Variants in GLIS3 observed in about 807,000 individuals in gnomAD.
GLIS3 encodes GLIS family zinc finger 3, also known as zinc finger protein GLIS3.
A neutral mutation model predicts 78.6 loss-of-function variants in GLIS3; 53 were observed. The ratio of observed to expected loss-of-function variants is 0.67; its 90% CI spans 0.54 to 0.85. The LOEUF (loss-of-function observed/expected upper bound fraction) is 0.85, where lower values mean the gene tolerates loss of function less well. Ranked by LOEUF, GLIS3 falls within the 40% of genes least tolerant of loss-of-function variation. The pLI, the probability that GLIS3 is intolerant of heterozygous loss-of-function variation, is 0.00. For missense variants in GLIS3, 1,703 were observed against 1,231.1 expected (o/e 1.38, Z -5.74); for synonymous variants, 684 against 509.9 (o/e 1.34, Z -4.60).
Position 4,051,670 on chromosome 9 carries a change from C to T in GLIS3, c.1710+66098G>A, listed in dbSNP as rs572911987. ...TTGTTTGTTTGTTTTTAAAAAAGAA[C>T]ATAGCAATAATTTTTACCAGAAGTT... On this transcript the variant is annotated intron_variant, in intron 4 of 10. Coordinates refer to ENST00000381971, the MANE Select transcript of GLIS3 (RefSeq NM_001042413.2). Among the ~76,000 whole-genome samples the T allele has an allele frequency of 2.1e-3, 324 of 152,246 alleles. 1 individual carries two copies. The highest frequency in any genetic ancestry group is 7.6e-3 in the African/African-American group (315 of 41,570).
chr9:4,156,239 A>T (rs1419759443), intron 2 of GLIS3, among the ~76,000 whole-genome samples: 1 of 152,120 alleles, frequency 6.6e-6, no homozygotes, highest in Non-Finnish European at 1.5e-5. Context: ...AAATAAGGTT[A>T]TTCCCTCCCT....
chr9:3,976,148 T>A (rs1174120508), intron 4 of GLIS3, among the ~76,000 whole-genome samples: 1 of 152,146 alleles, frequency 6.6e-6, no homozygotes, highest in Admixed American at 6.6e-5. Context: ...ACAAATGCAA[T>A]CCTGCCCCCA....
Position 4,286,404 on chromosome 9 carries a change from T to C in GLIS3, c.22A>G (p.Met8Val), listed in dbSNP as rs770334603. ...GTTCCCGATGTCCGGTGGAGACTCA[T>C]GCTGCATGATCTTCCATTCATTCTG... MNGRSCSMSLHRTSGTPQ... is the reference protein window; with the variant it reads MNGRSCSVSLHRTSGTPQ... The change falls in exon 2 of 11, where the codon ATG (methionine) becomes GTG (valine). Residue 8 changes from methionine to valine, a missense_variant. Physicochemically the swap from Met to Val is conservative, Grantham distance 21. Transcript: ENST00000381971. The C allele has an allele frequency of 6.8e-6, 11 of 1,614,032 alleles. No homozygotes were observed. Among genetic ancestry groups the C allele is most frequent in the Non-Finnish European group, 9.3e-6 (11 of 1,180,058 alleles).
rs752335934 is a variant in GLIS3 at position 4,118,354 on chromosome 9, G to A, written c.1124C>T (p.Ala375Val). 3.8e-6 allele frequency: 6 copies of A among 1,584,330 alleles called. No homozygotes were observed. The highest frequency in any genetic ancestry group is 3.4e-5 in the South Asian group (3 of 88,988). Residue 375 changes from alanine to valine, a missense_variant, in exon 4 of 11, where the codon GCC becomes GTC. Physicochemically the swap from Ala to Val is moderately conservative, Grantham distance 64. Transcript: ENST00000381971. The surrounding 1 kb of genome is among the most constrained non-coding windows in gnomAD (Gnocchi z 4.7). Reference sequence around the variant, plus strand: ...GGCCGGCAGCGCCAGGCCTCCAGGGGCCACCAGCACGCCCTTCTGGCTGCC... The same window carrying A: ...GGCCGGCAGCGCCAGGCCTCCAGGGACCACCAGCACGCCCTTCTGGCTGCC... ...VPGSQKGVLV[A>V]PGGLALPAYG...
intron 2 of GLIS3, among the ~76,000 whole-genome samples, chr9:4,322,336 CAT>C (rs773548852): frequency 6.6e-6 from 1 of 152,262 alleles, no homozygotes; most frequent in African/African-American, 2.4e-5. Flanking sequence ...CCACAATAAA[CAT>C]ATGTGTGCAT....
chr9:4,444,566 C>T, the GLIS3 span, among the ~76,000 whole-genome samples: 1 of 152,228 alleles, frequency 6.6e-6, no homozygotes, highest in South Asian at 2.1e-4. Flanking sequence ...AAGTAAAACA[C>T]CTGGCTGCTG....
chr9:4,462,048 C>A, the GLIS3 span, among the ~76,000 whole-genome samples: 1 of 152,084 alleles, frequency 6.6e-6, no homozygotes, highest in African/African-American at 2.4e-5. Context: ...GAAGAGTACA[C>A]GAAGTGAGTT....
At chr9:4,157,959 T>TA (rs1185273237) in intron 2 of GLIS3, among the ~76,000 whole-genome samples, 3 of 152,240 alleles carry the variant, frequency 2.0e-5, no homozygotes, top group African/African-American at 7.2e-5. Flanking sequence ...CTTCAACTGA[T>TA]AATCTTGTTA....
At chr9:4,440,004 T>C in the GLIS3 span, among the ~76,000 whole-genome samples, 1 of 152,186 alleles carries the variant, frequency 6.6e-6, no homozygotes, top group African/African-American at 2.4e-5. Flanking sequence ...TTTTGAGAAG[T>C]GTCTATTCAA....
chr9:3,969,424 G>C (rs533301127), intron 4 of GLIS3, among the ~76,000 whole-genome samples: 3 of 152,280 alleles, frequency 2.0e-5, no homozygotes, highest in South Asian at 2.1e-4. Context: ...ATTTACTAAG[G>C]CCCAATGTTT....
chr9:4,148,114 C>T (rs1834369565), intron 2 of GLIS3, among the ~76,000 whole-genome samples: 2 of 152,076 alleles, frequency 1.3e-5, no homozygotes, highest in African/African-American at 4.8e-5. Context: ...GTTAACTACA[C>T]AAAGGAGTTA....
the GLIS3 span, among the ~76,000 whole-genome samples, chr9:4,474,492 A>T: frequency 6.6e-5 from 10 of 152,322 alleles, no homozygotes; most frequent in Admixed American, 2.0e-4. Context: ...CTCCTGGATT[A>T]ATTGGATATC....
intron 4 of GLIS3, among the ~76,000 whole-genome samples, chr9:3,991,746 A>C (rs1267065524): frequency 7.9e-6 from 1 of 126,356 alleles, no homozygotes; most frequent in East Asian, 2.4e-4. Flanking sequence ...GCTGGAGTGC[A>C]GTGGTGGGAT....
chr9:4,373,913 G>A, the GLIS3 span, among the ~76,000 whole-genome samples: 394 of 152,198 alleles, frequency 2.6e-3, 2 homozygotes, highest in African/African-American at 9.1e-3. Context: ...TGATCTGCCT[G>A]CCTCGGCCTC....
chr9:3,995,402 G>A (rs536318188), intron 4 of GLIS3, among the ~76,000 whole-genome samples: 16 of 152,172 alleles, frequency 1.1e-4, no homozygotes, highest in African/African-American at 3.4e-4. Context: ...CAAAGATAAG[G>A]TTCTAAAGAA....
chr9:3,840,412 G>A (rs1818640214), intron 9 of GLIS3, among the ~76,000 whole-genome samples: 1 of 152,078 alleles, frequency 6.6e-6, no homozygotes, highest in Non-Finnish European at 1.5e-5. Flanking sequence ...TCCTGGAAGA[G>A]GTATAAAAAC....
At chr9:4,366,015 G>T in the GLIS3 span, among the ~76,000 whole-genome samples, 2 of 152,170 alleles carry the variant, frequency 1.3e-5, no homozygotes, top group Non-Finnish European at 2.9e-5. Flanking sequence ...AGGAGAGCTA[G>T]CAGGGAAGGA....
At chr9:4,466,454 C>A in the GLIS3 span, among the ~76,000 whole-genome samples, 1 of 152,100 alleles carries the variant, frequency 6.6e-6, no homozygotes, top group Non-Finnish European at 1.5e-5. Context: ...GCCAGTATTA[C>A]CCTTAATCCA....
Position 4,053,705 on chromosome 9 carries a change from T to TAAA in GLIS3, c.1710+64060_1710+64062dup, listed in dbSNP as rs760535978. 5.6e-3 allele frequency among the ~76,000 whole-genome samples: 513 copies of TAAA among 91,144 alleles called. 15 individuals are homozygous for TAAA. The highest frequency in any genetic ancestry group is 0.017 in the African/African-American group (486 of 28,076). The allele number at this position is 91,144 out of a possible 152,430, so 59.8% of individuals were successfully genotyped here. A position where few individuals can be genotyped will look rare whatever the true frequency, so the allele number is the denominator to read the frequency against. ...AGTGCCTACTTGTTTTCTTTCTTCA[T>TAAA]AAAAAAAAAAAAAAAAAATTCTGGA... On this transcript the variant is annotated intron_variant, in intron 4 of 10. Coordinates refer to ENST00000381971, the MANE Select transcript of GLIS3 (RefSeq NM_001042413.2).
Sources: gnomAD v4.1 joint callset for allele counts (sites outside exome capture counted in the v4.1 genomes callset) on GRCh38, gnomAD v4.1.1 for gene constraint, Gnocchi (gnomAD v3.1) non-coding constraint, MANE v1.5 for transcripts, NCBI Gene and HGNC (gene_info 2026-07-23, HGNC 2026-07-21) for gene names.